The following ITGAV variants were observed in gnomAD, a reference collection of about 807,000 sequenced individuals.
ITGAV encodes integrin alpha-V.
A neutral mutation model predicts 143.8 loss-of-function variants in ITGAV; 76 were observed. That is an observed-to-expected ratio of 0.53 (90% CI 0.44 to 0.64). The LOEUF is 0.64. ITGAV is among the 30% of genes least tolerant of loss of function. ITGAV has a pLI of 0.00. For missense variants in ITGAV, 1,193 were observed against 1,274.7 expected, an observed-to-expected ratio of 0.94 and a Z score of 0.98; for synonymous variants, 453 against 446.7, an observed-to-expected ratio of 1.01 and a Z score of -0.18.
intron 10 of ITGAV, among the ~76,000 whole-genome samples, chr2:186,638,721 C>A (rs1688021289): frequency 6.8e-6 from 1 of 146,324 alleles, no homozygotes; most frequent in African/African-American, 2.5e-5. Flanking sequence ...TTTGTCTTGC[C>A]TTTTTCACTC....
rs571085133 is a variant in ITGAV, at chr2:186,609,938, A to G, written c.316+7787A>G. On this transcript the variant is annotated intron_variant, in intron 2 of 29. Transcript: ENST00000261023. ...AAAAACATACTCTAAAGGTCTAGCCAAATAAATTTACCATTAAATCTTAAT... is the reference window on the plus strand; with the variant it reads ...AAAAACATACTCTAAAGGTCTAGCCGAATAAATTTACCATTAAATCTTAAT... 8.5e-5 allele frequency among the ~76,000 whole-genome samples: 13 copies of G among 152,268 alleles called. No homozygotes were observed. In the East Asian group the frequency reaches 2.3e-3, roughly 27 times the overall value.
chr2:186,628,015 G>A (rs10174098), intron 4 of ITGAV, among the ~76,000 whole-genome samples: 94,700 of 151,840 alleles, frequency 0.62, 30,004 homozygotes, highest in East Asian at 0.8. Flanking sequence ...ACTCAGGAGC[G>A]GAAGTCTGAG....
At chr2:186,595,247 C>T (rs1274482980) in intron 1 of ITGAV, among the ~76,000 whole-genome samples, 1 of 152,204 alleles carries the variant, frequency 6.6e-6, no homozygotes, top group Non-Finnish European at 1.5e-5. Flanking sequence ...CATGCTTTAT[C>T]TTAGAAAGGT....
At chr2:186,621,208 T>G (rs918208721) in intron 2 of ITGAV, among the ~76,000 whole-genome samples, 1 of 152,232 alleles carries the variant, frequency 6.6e-6, no homozygotes, top group Non-Finnish European at 1.5e-5. Context: ...AAAATTATTG[T>G]GAAAATTTTC....
chr2:186,653,609 G>T (rs920031556), intron 15 of ITGAV, among the ~76,000 whole-genome samples: 13 of 152,082 alleles, frequency 8.5e-5, no homozygotes, highest in African/African-American at 2.9e-4. Context: ...AGTAATATTT[G>T]GTCTTCATTT....
Position 186,677,034 on chromosome 2 carries a change from G to A in ITGAV, c.3051+99G>A, listed in dbSNP as rs1574508603. ...TGAAAAGTAAGGGAAGGAAGAAAGG[G>A]ACTGTAATGATGATACTTGATGAGC... On this transcript the variant is annotated intron_variant, in intron 29 of 29. Coordinates refer to ENST00000261023, the MANE Select transcript of ITGAV (RefSeq NM_002210.5). 23 of 1,334,044 alleles carry A rather than the reference G, an allele frequency of 1.7e-5. No individual in the cohort carries two copies. The South Asian group carries it at 2.7e-4, about 16-fold the overall frequency. 82.6% of individuals were successfully genotyped at this position (1,334,044 alleles called of 1,614,324 possible).
chr2:186,625,651 A>G (rs954564736), intron 4 of ITGAV, 64 bp downstream of exon 4: 122 of 701,760 alleles, frequency 1.7e-4, no homozygotes, highest in Middle Eastern at 7.3e-4. Flanking sequence ...TGTTAAAAAT[A>G]TGTGTGTGTG....
Position 186,675,698 on chromosome 2 carries a change from G to T in ITGAV, c.2801G>T (p.Trp934Leu). 6.2e-7 allele frequency: 1 copy of T among 1,611,938 alleles called. No individual in the cohort carries two copies. The highest frequency in any genetic ancestry group is 8.5e-7 in the Non-Finnish European group (1 of 1,178,100). ...SAILYVKSLL[W>L]TETFMNKENQ... ...ATCTTGTACGTAAAGTCATTACTGT[G>T]GACTGAGACTTTTATGAATGTAAGT... Residue 934 changes from tryptophan (W) to leucine (L), a missense_variant, in exon 27 of 30, where the codon TGG becomes TTG. By Grantham distance (61) the Trp-to-Leu change is moderately conservative (BLOSUM62 -2). Transcript: ENST00000261023.
At chr2:186,627,184 G>A (rs1267094408) in intron 4 of ITGAV, among the ~76,000 whole-genome samples, 3 of 152,154 alleles carry the variant, frequency 2.0e-5, no homozygotes, top group Non-Finnish European at 4.4e-5. Flanking sequence ...GTAAGCAAAA[G>A]GAGCAAGCCA....
intron 14 of ITGAV, among the ~76,000 whole-genome samples, chr2:186,650,422 A>T (rs1688392428): frequency 6.6e-6 from 1 of 151,444 alleles, no homozygotes; most frequent in South Asian, 2.1e-4. Context: ...CTGGTCCTGA[A>T]CTCCTGGCCT....
chr2:186,671,923 G>A lies in ITGAV; in HGVS notation c.2706+2109G>A, dbSNP rs148232741. 3.1e-3 allele frequency among the ~76,000 whole-genome samples: 449 copies of A among 142,818 alleles called. 4 individuals carry two copies. The highest frequency in any genetic ancestry group is 0.011 in the African/African-American group (418 of 38,926). The allele number at this position is 142,818 out of a possible 152,430, so 93.7% of individuals were successfully genotyped here. A position where few individuals can be genotyped will look rare whatever the true frequency, so the allele number is the denominator to read the frequency against. On this transcript the variant is annotated intron_variant, in intron 26 of 29. Coordinates refer to ENST00000261023, the MANE Select transcript of ITGAV (RefSeq NM_002210.5). ...CATGTAGCATGTTTTCAAGATCTAT[G>A]TTGTGGTGTGCCTTAGTACTCCTTT...
rs183756726 is a variant in ITGAV, at chr2:186,597,729, G to A, written c.186-4292G>A. ...CAGGAGAGTGAGCATTACCACCTGA[G>A]CTCTGCCTCCTGTCAGATCAGTGGT... On this transcript the variant is annotated intron_variant, in intron 1 of 29. Coordinates refer to ENST00000261023, the MANE Select transcript of ITGAV (RefSeq NM_002210.5). Among the ~76,000 whole-genome samples the A allele has an allele frequency of 1.9e-3, 285 of 152,310 alleles. 1 individual carries two copies. Among genetic ancestry groups the A allele is most frequent in the African/African-American group, 6.5e-3 (270 of 41,568 alleles).
intron 4 of ITGAV, among the ~76,000 whole-genome samples, chr2:186,627,670 C>T (rs966965872): frequency 6.6e-6 from 1 of 152,110 alleles, no homozygotes; most frequent in Non-Finnish European, 1.5e-5. Flanking sequence ...TACAGCCACA[C>T]CCATTTGTTG....
At chr2:186,592,974 G>A (rs1031350353) in intron 1 of ITGAV, among the ~76,000 whole-genome samples, 3 of 151,926 alleles carry the variant, frequency 2.0e-5, no homozygotes, top group Non-Finnish European at 2.9e-5. Context: ...TTCTAGAAGG[G>A]CACTTTAAAT....
chr2:186,622,287 A>C (rs1436828995), intron 2 of ITGAV, 52 bp from the exon 3 acceptor site: 1 of 1,209,924 alleles, frequency 8.3e-7, no homozygotes, highest in Admixed American at 1.8e-5. Context: ...ATAAACTGTT[A>C]TATTAAGAAT....
At chr2:186,658,807 C>T (rs535066180) in intron 17 of ITGAV, among the ~76,000 whole-genome samples, 1 of 152,104 alleles carries the variant, frequency 6.6e-6, no homozygotes, top group East Asian at 1.9e-4. Flanking sequence ...CTCGTACTTT[C>T]GTGTGAATCA....
At chr2:186,653,268 A>G (rs1220794768) in intron 15 of ITGAV, among the ~76,000 whole-genome samples, 1 of 152,174 alleles carries the variant, frequency 6.6e-6, no homozygotes, top group African/African-American at 2.4e-5. Context: ...ATTTAAAAGC[A>G]AAATGTAGAA....
intron 26 of ITGAV, among the ~76,000 whole-genome samples, chr2:186,674,025 G>A (rs1689138727): frequency 6.6e-6 from 1 of 152,058 alleles, no homozygotes; most frequent in Non-Finnish European, 1.5e-5. Flanking sequence ...CCATGCTGGA[G>A]GACAGTAGCA....
chr2:186,662,455 G>C (rs1318917591), intron 18 of ITGAV, among the ~76,000 whole-genome samples: 1 of 152,162 alleles, frequency 6.6e-6, no homozygotes, highest in Non-Finnish European at 1.5e-5. Flanking sequence ...AATGGGCTTA[G>C]TGTCACTGAG....
Sources: allele counts gnomAD v4.1 joint callset (sites outside exome capture counted in the v4.1 genomes callset), GRCh38; gene constraint gnomAD v4.1.1; transcripts MANE v1.5; gene names NCBI Gene and HGNC (gene_info 2026-07-23, HGNC 2026-07-21).